CD59: variants seen among roughly 807,000 people sequenced by gnomAD.
CD59 encodes the protein CD59 molecule (CD59 blood group).
A neutral mutation model predicts 7.0 loss-of-function variants in CD59; 3 were observed. The ratio of observed to expected loss-of-function variants is 0.43; its 90% confidence interval spans 0.19 to 1.10. The LOEUF (loss-of-function observed/expected upper bound fraction) is 1.10, where lower values mean the gene tolerates loss of function less well. Among genes scored for constraint, CD59 ranks in the 50% least tolerant of loss-of-function variants. The pLI is 0.29. For synonymous variants in CD59, 60 were observed against 62.0 expected (o/e 0.97, Z 0.15); for missense variants, 143 against 151.0 (o/e 0.95, Z 0.28).
In CD59 at chr11:33,711,350, A is replaced by G. The variant is rs1390024642; in HGVS notation, c.170-1007T>C. ...AAGAGCATAGTATCCAGGATATAGAAAACATTCTTAAACTCTACAATAAAA... is the reference window on the plus strand; with the variant it reads ...AAGAGCATAGTATCCAGGATATAGAGAACATTCTTAAACTCTACAATAAAA... On this transcript the variant is annotated intron_variant, in intron 3 of 3. Transcript: ENST00000642928. 18 of 698,760 alleles carry G rather than the reference A, an allele frequency of 2.6e-5. No homozygotes were observed. In the East Asian group the frequency reaches 4.9e-4, roughly 19 times the overall value. The allele number at this position is 698,760 out of a possible 1,614,324, so 43.3% of individuals were successfully genotyped here.
rs1481065404 is a variant in CD59, at chr11:33,707,594, G to C, written c.*2532C>G. 6.6e-6 allele frequency: 1 copy of C among 152,266 alleles called. No homozygotes were observed. The highest frequency in any genetic ancestry group is 2.4e-5 in the African/African-American group (1 of 41,474). 9.4% of individuals were successfully genotyped at this position (152,266 alleles called of 1,614,324 possible). On this transcript the variant is annotated 3_prime_UTR_variant, in exon 4 of 4. Transcript: ENST00000642928. ...TCCTGTAAATCCAGATGAGTGGAGGGCACAGGGTATTGGCTCTCGAGCAGA... is the reference window on the plus strand; with the variant it reads ...TCCTGTAAATCCAGATGAGTGGAGGCCACAGGGTATTGGCTCTCGAGCAGA...
chr11:33,712,910 A>T (rs114944247), intron 3 of CD59, among the ~76,000 whole-genome samples: 1 of 152,220 alleles, frequency 6.6e-6, no homozygotes, highest in African/African-American at 2.4e-5. Flanking sequence ...AAGTAATTTA[A>T]TAGTGTTATC....
Position 33,715,809 on chromosome 11 carries a change from T to C in CD59, c.169+1561A>G, listed in dbSNP as rs74841978. Reference sequence around the variant, plus strand: ...TTTCCTCTCCTCCCTACCTCTGCTGTCCAACACATACATTTCATAAATGAA... The same window carrying C: ...TTTCCTCTCCTCCCTACCTCTGCTGCCCAACACATACATTTCATAAATGAA... On this transcript the variant is annotated intron_variant, in intron 3 of 3. Transcript: ENST00000642928. Among the ~76,000 whole-genome samples, 143 of 152,324 alleles carry C rather than the reference T, an allele frequency of 9.4e-4. 3 individuals are homozygous for C. The East Asian group carries it at 0.016, about 17-fold the overall frequency.
intron 1 of CD59, among the ~76,000 whole-genome samples, chr11:33,735,756 A>C (rs1854550332): frequency 6.6e-6 from 1 of 152,050 alleles, no homozygotes; most frequent in Admixed American, 6.5e-5. Context: ...TTTCTACTAA[A>C]AATACAAAAT....
At position 33,716,709 on chromosome 11, in the gene CD59, T is replaced by C. The variant is rs181300710; in HGVS notation, c.169+661A>G. Among the ~76,000 whole-genome samples the C allele has an allele frequency of 1.6e-4, 24 of 152,332 alleles. No individual in the cohort carries two copies. The East Asian group carries it at 2.1e-3, about 13-fold the overall frequency. ...TGGAAAATGCAGACTGGACAGGACT[T>C]GTGCATGTTAGCATTGCCCATCCCC... is the stretch of plus-strand genomic sequence containing the variant. On this transcript the variant is annotated intron_variant, in intron 3 of 3. Transcript: ENST00000642928.
rs555700520 is a variant in CD59, at chr11:33,708,752, G to C, written c.*1374C>G. 1 of 152,322 alleles carries C rather than the reference G, an allele frequency of 6.6e-6. No homozygotes were observed. Among genetic ancestry groups the C allele is most frequent in the East Asian group, 1.9e-4 (1 of 5,188 alleles). 9.4% of individuals were successfully genotyped at this position (152,322 alleles called of 1,614,324 possible). Reference sequence around the variant, plus strand: ...AACAGAAGAAAGCTGGCACTGCTCAGGATGTCTTCTTTCAGTTGCTACCAT... The same window carrying C: ...AACAGAAGAAAGCTGGCACTGCTCACGATGTCTTCTTTCAGTTGCTACCAT... On this transcript the variant is annotated 3_prime_UTR_variant, in exon 4 of 4. Coordinates refer to ENST00000642928, the MANE Select transcript of CD59 (RefSeq NM_000611.6).
rs1446937160 is a variant in CD59, at chr11:33,709,223, G to A, written c.*903C>T. 6.6e-6 allele frequency: 1 copy of A among 152,224 alleles called. No individual in the cohort carries two copies. The highest frequency in any genetic ancestry group is 1.5e-5 in the Non-Finnish European group (1 of 68,060). The allele number at this position is 152,224 out of a possible 1,614,324, so 9.4% of individuals were successfully genotyped here. A position where few individuals can be genotyped will look rare whatever the true frequency, so the allele number is the denominator to read the frequency against. ...CCCCTGCAGATCTGTTGTTATTAAG[G>A]ATGACCTTTGGAAGTCTCAAACTGT... On this transcript the variant is annotated 3_prime_UTR_variant, in exon 4 of 4. Transcript: ENST00000642928.
chr11:33,726,724 T>A (rs575648893), intron 1 of CD59, among the ~76,000 whole-genome samples: 41 of 152,118 alleles, frequency 2.7e-4, no homozygotes, highest in Non-Finnish European at 4.7e-4. Context: ...CTTCAAAAAA[T>A]CAATGAATCC....
At chr11:33,711,494 G>A in intron 3 of CD59, 1 of 680,926 alleles carries the variant, frequency 1.5e-6, no homozygotes, top group Non-Finnish European at 2.6e-6. Flanking sequence ...GCAACATAGT[G>A]ATATCCCAAC....
intron 1 of CD59, among the ~76,000 whole-genome samples, chr11:33,730,267 T>A (rs910335755): frequency 1.3e-5 from 2 of 149,776 alleles, no homozygotes; most frequent in African/African-American, 2.5e-5. Flanking sequence ...AAAAAAAAAA[T>A]AGCCAGGTGT....
chr11:33,722,633 T>C (rs1854123114), intron 1 of CD59, 170 bp from the exon 2 acceptor site: 1 of 1,466,454 alleles, frequency 6.8e-7, no homozygotes. Flanking sequence ...CAGCACCATA[T>C]ACCCTTGAGT....
intron 2 of CD59, 23 bp downstream of exon 2, chr11:33,722,356 T>A (rs999930112): frequency 7.7e-6 from 12 of 1,559,308 alleles, no homozygotes; most frequent in African/African-American, 1.4e-5. Context: ...CCTAGATCCA[T>A]GTCCTGAGAC....
chr11:33,720,510 C>T (rs763922294), intron 2 of CD59, among the ~76,000 whole-genome samples: 6 of 152,018 alleles, frequency 3.9e-5, no homozygotes, highest in Non-Finnish European at 5.9e-5. Context: ...ACCAGCCTGG[C>T]CAACATGGTG....
rs1238694673 is a variant in CD59, at chr11:33,736,421, T to C, written c.-58A>G. The C allele has an allele frequency of 6.6e-6, 1 of 152,518 alleles. No homozygotes were observed. Among genetic ancestry groups the C allele is most frequent in the Non-Finnish European group, 1.5e-5 (1 of 68,322 alleles). The allele number at this position is 152,518 out of a possible 1,614,324, so 9.4% of individuals were successfully genotyped here. On this transcript the variant is annotated 5_prime_UTR_variant, in exon 1 of 4. Coordinates refer to ENST00000642928, the MANE Select transcript of CD59 (RefSeq NM_000611.6). The surrounding 1 kb of genome is among the most constrained non-coding windows in gnomAD (Gnocchi z 4.4). ...GATCCTCTTCCAGCCTCGAGCCGCT[T>C]CTGCGCTCAGCCCCCGCATTCTTTC... is the stretch of plus-strand genomic sequence containing the variant.
At chr11:33,713,662 T>C (rs1267207173) in intron 3 of CD59, among the ~76,000 whole-genome samples, 1 of 152,244 alleles carries the variant, frequency 6.6e-6, no homozygotes, top group Non-Finnish European at 1.5e-5. Flanking sequence ...GCTTTAAAGC[T>C]ATCAGAATTT....
In CD59 at chr11:33,705,474, G is replaced by A. The variant is rs1436905103; in HGVS notation, c.*4652C>T. On this transcript the variant is annotated 3_prime_UTR_variant, in exon 4 of 4. Coordinates refer to ENST00000642928, the MANE Select transcript of CD59 (RefSeq NM_000611.6). ...GTCTACCTTGTTTGCTGAGTCTTCTGGCTTTCTTCCACTCTTCCTGCTCTT... is the reference window on the plus strand; with the variant it reads ...GTCTACCTTGTTTGCTGAGTCTTCTAGCTTTCTTCCACTCTTCCTGCTCTT... The A allele has an allele frequency of 6.6e-6, 1 of 152,214 alleles. No individual in the cohort carries two copies. The highest frequency in any genetic ancestry group is 1.5e-5 in the Non-Finnish European group (1 of 68,054). The allele number at this position is 152,214 out of a possible 1,614,324, so 9.4% of individuals were successfully genotyped here. A position where few individuals can be genotyped will look rare whatever the true frequency, so the allele number is the denominator to read the frequency against.
rs535018130 is a variant in CD59, at chr11:33,727,198, G to A, written c.-18-4735C>T. 4.9e-4 allele frequency among the ~76,000 whole-genome samples: 75 copies of A among 152,116 alleles called. 1 individual carries two copies. In the South Asian group the frequency reaches 9.4e-3, roughly 19 times the overall value. ...ATGAGGCCAGCATCATCTTGACACC[G>A]AAACCTGGCAGAGACACAACAACAA... On this transcript the variant is annotated intron_variant, in intron 1 of 3. Transcript: ENST00000642928.
intron 1 of CD59, chr11:33,722,895 A>G: frequency 9.6e-7 from 1 of 1,041,212 alleles, no homozygotes; most frequent in Non-Finnish European, 1.2e-6. Context: ...GCAGTGGAAC[A>G]GGGAGCAATG....
chr11:33,713,893 T>C (rs1286588014), intron 3 of CD59, among the ~76,000 whole-genome samples: 1 of 152,106 alleles, frequency 6.6e-6, no homozygotes, highest in East Asian at 1.9e-4. Flanking sequence ...GTGTTACAGG[T>C]TTTCTCCTCC....
Sources: gnomAD v4.1 joint callset for allele counts (sites outside exome capture counted in the v4.1 genomes callset) on GRCh38, gnomAD v4.1.1 for gene constraint, Gnocchi (gnomAD v3.1) non-coding constraint, MANE v1.5 for transcripts, NCBI Gene and HGNC (gene_info 2026-07-23, HGNC 2026-07-21) for gene names.